COL26A1: variants seen among roughly 807,000 people sequenced by gnomAD.
COL26A1 encodes collagen type XXVI alpha 1 chain, also known as collagen alpha-1(XXVI) chain.
COL26A1 carries 41 observed loss-of-function variants against 59.3 expected under a neutral mutation model. The observed-to-expected ratio is 0.69, with a 90% CI of 0.54 to 0.90. The LOEUF is 0.90. Among genes scored for constraint, COL26A1 ranks in the 40% least tolerant of loss-of-function variants. The probability of loss-of-function intolerance (pLI) is 0.00; values close to 1 mark genes in which losing one functional copy is unlikely to be tolerated. For missense variants in COL26A1, 612 were observed against 602.3 expected, an observed-to-expected ratio of 1.02 and a Z score of -0.17; for synonymous variants, 266 against 256.0, an observed-to-expected ratio of 1.04 and a Z score of -0.37.
At position 101,445,131 on chromosome 7, in the gene COL26A1, A is replaced by G. The variant is rs534449865; in HGVS notation, c.282-2553A>G. Among the ~76,000 whole-genome samples the G allele has an allele frequency of 2.6e-5, 4 of 151,458 alleles. No homozygotes were observed. The South Asian group carries it at 6.3e-4, about 24-fold the overall frequency. On this transcript the variant is annotated intron_variant, in intron 2 of 12. Transcript: ENST00000313669. ...GCTGGGATTACAGGCGTGAGCCACC[A>G]TGCCTGGCCAGGTACTTTATGTTTA...
intron 1 of COL26A1, among the ~76,000 whole-genome samples, chr7:101,389,377 A>ATTT (rs71106518): frequency 2.2e-5 from 2 of 89,378 alleles, no homozygotes; most frequent in Non-Finnish European, 4.6e-5. Flanking sequence ...TGATTTGCAC[A>ATTT]TTTTTTTTTT....
chr7:101,513,983 GGCTCAAA>G, intron 3 of COL26A1, among the ~76,000 whole-genome samples: 1 of 152,232 alleles, frequency 6.6e-6, no homozygotes, highest in South Asian at 2.1e-4. Flanking sequence ...AAACAGAAAT[GGCTCAAA>G]AACCTGTGAA....
chr7:101,469,120 G>GT (rs1793833951), intron 3 of COL26A1, among the ~76,000 whole-genome samples: 1 of 152,206 alleles, frequency 6.6e-6, no homozygotes, highest in African/African-American at 2.4e-5. Context: ...GACCTGCCTC[G>GT]TGGGGCCCTG....
intron 2 of COL26A1, among the ~76,000 whole-genome samples, chr7:101,425,059 A>G (rs1216553862): frequency 6.6e-6 from 1 of 151,928 alleles, no homozygotes; most frequent in African/African-American, 2.4e-5. Flanking sequence ...AGTAGCTGGG[A>G]CTACAGGCAC....
intron 2 of COL26A1, among the ~76,000 whole-genome samples, chr7:101,440,597 C>G (rs1793033585): frequency 6.6e-6 from 1 of 152,130 alleles, no homozygotes; most frequent in Non-Finnish European, 1.5e-5. Context: ...ACTGGTGTGC[C>G]CCACGCCTGG....
At chr7:101,524,961 C>T (rs955596745) in intron 3 of COL26A1, among the ~76,000 whole-genome samples, 1 of 152,224 alleles carries the variant, frequency 6.6e-6, no homozygotes, top group African/African-American at 2.4e-5. Flanking sequence ...TCAACAGAAC[C>T]CCCAGGGTTA....
chr7:101,449,845 T>A (rs1249628101), intron 3 of COL26A1, among the ~76,000 whole-genome samples: 1 of 151,694 alleles, frequency 6.6e-6, no homozygotes, highest in Non-Finnish European at 1.5e-5. Context: ...CAGATTAGGA[T>A]GGGCGTGGTG....
chr7:101,471,767 A>G (rs1793912081), intron 3 of COL26A1, among the ~76,000 whole-genome samples: 1 of 151,512 alleles, frequency 6.6e-6, no homozygotes, highest in Non-Finnish European at 1.5e-5. Flanking sequence ...TTTAGTAGAG[A>G]TGGGGTTTCA....
chr7:101,546,809 G>T (rs1169464295), intron 7 of COL26A1, among the ~76,000 whole-genome samples: 1 of 152,178 alleles, frequency 6.6e-6, no homozygotes, highest in Middle Eastern at 3.2e-3. Flanking sequence ...TGAGCCAGTT[G>T]GGTGCAGCAG....
chr7:101,524,401 TAC>T (rs1456610631), intron 3 of COL26A1, among the ~76,000 whole-genome samples: 1 of 152,196 alleles, frequency 6.6e-6, no homozygotes, highest in Non-Finnish European at 1.5e-5. Context: ...ATCAGGCACC[TAC>T]AGCCAGAAAA....
chr7:101,454,587 C>A (rs765698184), intron 3 of COL26A1, among the ~76,000 whole-genome samples: 2 of 152,042 alleles, frequency 1.3e-5, no homozygotes, highest in Non-Finnish European at 2.9e-5. Context: ...CTGTTTAGTA[C>A]CATAGTTTTT....
At chr7:101,406,642 C>T (rs1471319727) in intron 1 of COL26A1, among the ~76,000 whole-genome samples, 2 of 152,176 alleles carry the variant, frequency 1.3e-5, no homozygotes, top group Non-Finnish European at 2.9e-5. Context: ...ACTCTGAGTT[C>T]CCTTCTTTAA....
At chr7:101,374,876 A>G (rs756555277) in intron 1 of COL26A1, among the ~76,000 whole-genome samples, 4 of 152,102 alleles carry the variant, frequency 2.6e-5, no homozygotes, top group Non-Finnish European at 5.9e-5. Flanking sequence ...CCTGGCCAAC[A>G]TGGTGAAACC....
chr7:101,420,824 C>T (rs1455186631), intron 2 of COL26A1, among the ~76,000 whole-genome samples: 1 of 151,246 alleles, frequency 6.6e-6, no homozygotes. Flanking sequence ...GCTTCAGGGA[C>T]TCTTCAGCAT....
chr7:101,470,753 G>T (rs921314927), intron 3 of COL26A1, among the ~76,000 whole-genome samples: 3 of 151,894 alleles, frequency 2.0e-5, no homozygotes, highest in Admixed American at 2.0e-4. Flanking sequence ...CGTTACATAG[G>T]CTCGATTGAT....
intron 3 of COL26A1, among the ~76,000 whole-genome samples, chr7:101,512,959 A>G (rs1304876872): frequency 6.6e-6 from 1 of 152,038 alleles, no homozygotes; most frequent in Non-Finnish European, 1.5e-5. Context: ...AAAGCATTGC[A>G]CTAGTGTGAG....
rs373941775 is a variant in COL26A1, at chr7:101,385,367, G to GTATATATATATATATATATATATATATA, written c.158+22196_158+22197insATATATATATATATATATATATATATAT. ...TATATATATGTGTATATATATGTGT[G>GTATATATATATATATATATATATATATA]TATATATATATATATATATTTGTGA... On this transcript the variant is annotated intron_variant, in intron 1 of 12. Transcript: ENST00000313669. Among the ~76,000 whole-genome samples, 307 of 136,904 alleles carry GTATATATATATATATATATATATATATA rather than the reference G, an allele frequency of 2.2e-3. 3 individuals carry two copies. The highest frequency in any genetic ancestry group is 7.5e-3 in the Middle Eastern group (2 of 266). The allele number at this position is 136,904 out of a possible 152,430, so 89.8% of individuals were successfully genotyped here.
intron 1 of COL26A1, among the ~76,000 whole-genome samples, chr7:101,398,368 T>C (rs1057400232): frequency 6.6e-6 from 1 of 152,176 alleles, no homozygotes; most frequent in Admixed American, 6.5e-5. Flanking sequence ...CCCCAGTTTC[T>C]TGACACACAG....
chr7:101,549,061 C>A, intron 8 of COL26A1, 110 bp from the exon 9 acceptor site: 1 of 565,938 alleles, frequency 1.8e-6, no homozygotes, highest in South Asian at 2.9e-5. Flanking sequence ...CATTCATTCC[C>A]AAACCCTCCT....
Sources: gnomAD v4.1 joint callset for allele counts (sites outside exome capture counted in the v4.1 genomes callset) on GRCh38, gnomAD v4.1.1 for gene constraint, MANE v1.5 for transcripts, NCBI Gene and HGNC (gene_info 2026-07-23, HGNC 2026-07-21) for gene names.